UNC13B: variants seen among roughly 807,000 people sequenced by gnomAD.
The protein encoded by UNC13B is unc-13 homolog B.
In UNC13B, 144 loss-of-function variants were observed where a neutral mutation model predicts 211.0. The observed-to-expected ratio is 0.68, with a 90% CI of 0.60 to 0.78. The LOEUF is 0.78. Among genes scored for constraint, UNC13B ranks in the 30% least tolerant of loss-of-function variants. The pLI is 0.00. For missense variants in UNC13B, 1,777 were observed against 2,002.0 expected, an observed-to-expected ratio of 0.89 and a Z score of 2.14; for synonymous variants, 709 against 725.8, an observed-to-expected ratio of 0.98 and a Z score of 0.37.
chr9:35,263,722 C>A (rs1400923038), intron 7 of UNC13B, among the ~76,000 whole-genome samples: 1 of 152,036 alleles, frequency 6.6e-6, no homozygotes, highest in Non-Finnish European at 1.5e-5. Context: ...TATTTGGAGA[C>A]AGGGCCTGTG....
intron 7 of UNC13B, among the ~76,000 whole-genome samples, chr9:35,268,489 G>A (rs534709080): frequency 3.3e-5 from 5 of 152,148 alleles, no homozygotes; most frequent in Non-Finnish European, 7.4e-5. Flanking sequence ...TGTGGTGGCG[G>A]GCACCTGTAA....
intron 7 of UNC13B, among the ~76,000 whole-genome samples, chr9:35,273,491 A>G (rs1347982004): frequency 6.6e-6 from 1 of 152,150 alleles, no homozygotes; most frequent in Admixed American, 6.6e-5. Flanking sequence ...AGTGTGCACC[A>G]TATTCAAATA....
rs961569080 is a variant in UNC13B at position 35,364,554 on chromosome 9, G to A, written c.9415-2393G>A. On this transcript the variant is annotated intron_variant, in intron 11 of 39. Transcript: ENST00000635942. Reference sequence around the variant, plus strand: ...CTTTCTCTCCTTGCAGAAGAAAAGCGAGGAGCCCTTCAGGTTGTGCCTATG... The same window carrying A: ...CTTTCTCTCCTTGCAGAAGAAAAGCAAGGAGCCCTTCAGGTTGTGCCTATG... 30 of 1,535,902 alleles carry A rather than the reference G, an allele frequency of 2.0e-5. No homozygotes were observed. In the Admixed American group the frequency reaches 2.4e-4, roughly 12 times the overall value.
chr9:35,329,955 C>G (rs146421851), intron 11 of UNC13B, among the ~76,000 whole-genome samples: 11 of 152,270 alleles, frequency 7.2e-5, no homozygotes, highest in South Asian at 4.1e-4. Context: ...GGTTTCCAGA[C>G]TGGTAGACAC....
intron 1 of UNC13B, among the ~76,000 whole-genome samples, chr9:35,209,301 T>G (rs945757960): frequency 6.6e-6 from 1 of 152,162 alleles, no homozygotes; most frequent in African/African-American, 2.4e-5. Context: ...TGACCTCAAG[T>G]GATCTGCCTG....
chr9:35,181,602 C>T (rs373371188), intron 1 of UNC13B, among the ~76,000 whole-genome samples: 4 of 152,244 alleles, frequency 2.6e-5, no homozygotes, highest in Admixed American at 1.3e-4. Context: ...TTTGGGAGGC[C>T]GGAGTGGGTG....
At chr9:35,243,646 C>T (rs902216134) in intron 6 of UNC13B, among the ~76,000 whole-genome samples, 1 of 152,114 alleles carries the variant, frequency 6.6e-6, no homozygotes, top group African/African-American at 2.4e-5. Flanking sequence ...TTTGTTACAC[C>T]TGTGAGTTGG....
chr9:35,236,675 G>A (rs1352345295), intron 4 of UNC13B, 89 bp downstream of exon 4: 106 of 1,178,076 alleles, frequency 9.0e-5, no homozygotes, highest in Non-Finnish European at 2.1e-5. Context: ...ATTCATCCAT[G>A]CATCTTGGAT....
chr9:35,334,706 G>A (rs1349590865), intron 11 of UNC13B, among the ~76,000 whole-genome samples: 1 of 152,194 alleles, frequency 6.6e-6, no homozygotes, highest in African/African-American at 2.4e-5. Context: ...CTGATACTTA[G>A]TAAAAACTCA....
intron 12 of UNC13B, among the ~76,000 whole-genome samples, chr9:35,369,320 A>G (rs1342086136): frequency 6.6e-6 from 1 of 152,204 alleles, no homozygotes; most frequent in Non-Finnish European, 1.5e-5. Context: ...AACCAAGTAC[A>G]TGAGTTCTTT....
chr9:35,294,413 T>C (rs558367053), intron 7 of UNC13B, among the ~76,000 whole-genome samples: 1 of 152,248 alleles, frequency 6.6e-6, no homozygotes, highest in South Asian at 2.1e-4. Context: ...TTCAAGCGAT[T>C]CTTCCGCCTA....
At chr9:35,255,022 T>TATATAATATAATATATATTATATATA (rs1564096171) in intron 6 of UNC13B, among the ~76,000 whole-genome samples, 4 of 119,398 alleles carry the variant, frequency 3.4e-5, no homozygotes, top group African/African-American at 9.8e-5. Flanking sequence ...AATATATGTA[T>TATATAATATAATATATATTATATATA]ATATAATATA....
intron 4 of UNC13B, 70 bp downstream of exon 4, chr9:35,236,656 T>C (rs1825531498): frequency 1.5e-6 from 2 of 1,332,032 alleles, no homozygotes; most frequent in South Asian, 2.4e-5. Context: ...TAGCTCCACT[T>C]TAGCTAATAT....
intron 6 of UNC13B, among the ~76,000 whole-genome samples, chr9:35,251,788 T>G (rs528576147): frequency 4.0e-4 from 61 of 152,350 alleles, no homozygotes; most frequent in Non-Finnish European, 7.6e-4. Context: ...AGTTGATTTT[T>G]TCATTTCAAG....
intron 1 of UNC13B, among the ~76,000 whole-genome samples, chr9:35,171,376 A>G (rs1165114544): frequency 6.6e-6 from 1 of 152,142 alleles, no homozygotes; most frequent in Non-Finnish European, 1.5e-5. Flanking sequence ...TGTTGGGATT[A>G]CAGGTGTGAG....
At chr9:35,264,184 G>C (rs373853816) in intron 7 of UNC13B, among the ~76,000 whole-genome samples, 5 of 152,282 alleles carry the variant, frequency 3.3e-5, no homozygotes, top group East Asian at 1.9e-4. Flanking sequence ...TGATTCTGGT[G>C]AGGGCTTAGA....
chr9:35,228,438 TAAC>T (rs1824986305), intron 2 of UNC13B, among the ~76,000 whole-genome samples: 1 of 152,130 alleles, frequency 6.6e-6, no homozygotes, highest in African/African-American at 2.4e-5. Flanking sequence ...CTGCACCCAT[TAAC>T]TCGTCATTTA....
At position 35,363,855 on chromosome 9, in the gene UNC13B, T is replaced by C. The variant is rs556146693; in HGVS notation, c.9415-3092T>C. Among the ~76,000 whole-genome samples, 8 of 152,278 alleles carry C rather than the reference T, an allele frequency of 5.3e-5. No homozygotes were observed. In the East Asian group the frequency reaches 1.4e-3, roughly 26 times the overall value. On this transcript the variant is annotated intron_variant, in intron 11 of 39. Transcript: ENST00000635942. The stretch of plus-strand genomic sequence containing the variant: ...GTATTGTCCTGGGTTTGATAAATAA[T>C]CAGATTTGGGATTGCAGTCATGGTT...
rs1226412500 is a variant in UNC13B, at chr9:35,254,959, AAT to A, written c.469-4029_469-4028del. ...ATATATTAATATATGTATATAATATAATATATTATATTATATATTAATATATG... is the reference window on the plus strand; with the variant it reads ...ATATATTAATATATGTATATAATATAATATTATATTATATATTAATATATG... On this transcript the variant is annotated intron_variant, in intron 6 of 39. Coordinates refer to ENST00000635942, the MANE Select transcript of UNC13B (RefSeq NM_001371189.2). Among the ~76,000 whole-genome samples, 10 of 117,510 alleles carry A rather than the reference AAT, an allele frequency of 8.5e-5. No homozygotes were observed. The East Asian group carries it at 2.0e-3, about 24-fold the overall frequency. 77.1% of individuals were successfully genotyped at this position (117,510 alleles called of 152,430 possible).
Sources: gnomAD v4.1 joint callset for allele counts (sites outside exome capture counted in the v4.1 genomes callset) on GRCh38, gnomAD v4.1.1 for gene constraint, MANE v1.5 for transcripts, NCBI Gene and HGNC (gene_info 2026-07-23, HGNC 2026-07-21) for gene names.